The following HDAC9 variants were observed in gnomAD, a reference collection of about 807,000 sequenced individuals.
HDAC9 encodes histone deacetylase 9.
In HDAC9, 41 loss-of-function variants were observed where a neutral mutation model predicts 139.4. The ratio of observed to expected loss-of-function variants is 0.29; its 90% confidence interval spans 0.23 to 0.38. The LOEUF (loss-of-function observed/expected upper bound fraction) is 0.38. HDAC9 is among the 10% of genes least tolerant of loss of function. The pLI is 1.00. For missense variants in HDAC9, 1,147 were observed against 1,297.0 expected, an observed-to-expected ratio of 0.88 and a Z score of 1.78; for synonymous variants, 517 against 476.2, an observed-to-expected ratio of 1.09 and a Z score of -1.12.
chr7:18,397,710 C>T (rs185905561), intron 1 of HDAC9, among the ~76,000 whole-genome samples: 3 of 152,228 alleles, frequency 2.0e-5, no homozygotes, highest in East Asian at 3.9e-4. Flanking sequence ...TATGGAAATA[C>T]ATTCTCTATG....
chr7:18,170,652 G>A (rs534472673), intron 2 of HDAC9, among the ~76,000 whole-genome samples: 123 of 152,192 alleles, frequency 8.1e-4, no homozygotes, highest in African/African-American at 2.8e-3. Context: ...TCCAGTTTCA[G>A]CTTTCTACAT....
intron 17 of HDAC9, chr7:18,808,421 A>C (rs1272141315): frequency 6.6e-6 from 1 of 152,222 alleles, no homozygotes; most frequent in Non-Finnish European, 1.5e-5. Flanking sequence ...TATGTATAGA[A>C]AACCCTAAAG....
At chr7:18,663,492 A>G (rs959629255) in intron 11 of HDAC9, among the ~76,000 whole-genome samples, 3 of 151,898 alleles carry the variant, frequency 2.0e-5, no homozygotes, top group African/African-American at 7.3e-5. Flanking sequence ...CTTCCGACAT[A>G]GCATTTCCTG....
At chr7:18,331,660 A>G (rs1289330117) in intron 1 of HDAC9, among the ~76,000 whole-genome samples, 4 of 151,688 alleles carry the variant, frequency 2.6e-5, no homozygotes, top group African/African-American at 7.3e-5. Flanking sequence ...CAAAATGTCT[A>G]TTGTGTACAC....
intron 13 of HDAC9, among the ~76,000 whole-genome samples, chr7:18,742,817 G>A (rs1057162160): frequency 6.6e-6 from 1 of 151,802 alleles, no homozygotes; most frequent in Non-Finnish European, 1.5e-5. Flanking sequence ...TTTTAATTTT[G>A]CTACTCTTTA....
chr7:18,143,845 A>G (rs547188947), intron 1 of HDAC9, among the ~76,000 whole-genome samples: 3 of 152,128 alleles, frequency 2.0e-5, no homozygotes, highest in African/African-American at 7.2e-5. Context: ...TTTGGTGCAC[A>G]GTATGGCTGT....
chr7:18,956,192 A>G (rs1365564486), intron 24 of HDAC9, among the ~76,000 whole-genome samples: 1 of 152,028 alleles, frequency 6.6e-6, no homozygotes, highest in East Asian at 1.9e-4. Flanking sequence ...ACCACCCAAC[A>G]GTGATCACTT....
chr7:18,512,017 CAAAA>C (rs11337572), intron 2 of HDAC9, among the ~76,000 whole-genome samples: 6 of 96,568 alleles, frequency 6.2e-5, no homozygotes, highest in African/African-American at 2.4e-4. Context: ...ATGAATTAAG[CAAAA>C]AAAAAAAAAA....
rs1447467867 is a variant in HDAC9, at chr7:18,345,544, T to C, written c.-42+55029T>C. 2.0e-5 allele frequency among the ~76,000 whole-genome samples: 3 copies of C among 150,640 alleles called. No homozygotes were observed. In the Admixed American group the frequency reaches 2.0e-4, roughly 10 times the overall value. The stretch of plus-strand genomic sequence containing the variant: ...ACATGATTGTGTTCTCATAAGACAC[T>C]TTGTTCCCTTTATTATTCAACAGAA... On this transcript the variant is annotated intron_variant, in intron 1 of 3. Coordinates refer to the HDAC9 transcript ENST00000413509.
intron 1 of HDAC9, among the ~76,000 whole-genome samples, chr7:18,131,211 C>T (rs184704855): frequency 1.1e-3 from 173 of 152,218 alleles, no homozygotes; most frequent in South Asian, 4.1e-3. Flanking sequence ...AGAACACATA[C>T]GTACCCAAAT....
At chr7:18,110,068 C>T (rs1162390509) in intron 1 of HDAC9, among the ~76,000 whole-genome samples, 1 of 152,166 alleles carries the variant, frequency 6.6e-6, no homozygotes, top group Non-Finnish European at 1.5e-5. Context: ...AAGTTGACTT[C>T]CAAAAATACT....
chr7:18,098,812 A>C (rs1360152859), intron 1 of HDAC9, among the ~76,000 whole-genome samples: 2 of 152,242 alleles, frequency 1.3e-5, no homozygotes, highest in African/African-American at 2.4e-5. Context: ...AATGGGAGAC[A>C]AATTCAGTAG....
At chr7:18,731,100 C>T (rs10241000) in intron 13 of HDAC9, among the ~76,000 whole-genome samples, 1 of 152,158 alleles carries the variant, frequency 6.6e-6, no homozygotes, top group East Asian at 1.9e-4. Context: ...ACATGCTGCT[C>T]AGAATGATGC....
chr7:18,329,027 A>C (rs1446372815), intron 1 of HDAC9, among the ~76,000 whole-genome samples: 1 of 151,728 alleles, frequency 6.6e-6, no homozygotes, highest in African/African-American at 2.4e-5. Context: ...TTCCTGGTTC[A>C]GTCTTGGTAG....
upstream of HDAC9, among the ~76,000 whole-genome samples, chr7:18,491,559 G>T (rs560772992): frequency 6.6e-6 from 1 of 151,984 alleles, no homozygotes; most frequent in Non-Finnish European, 1.5e-5. Flanking sequence ...CACGCATATA[G>T]TTACCCAAAG....
intron 13 of HDAC9, among the ~76,000 whole-genome samples, chr7:18,732,569 A>ATG (rs1193817529): frequency 1.7e-5 from 2 of 121,164 alleles, no homozygotes; most frequent in East Asian, 6.0e-4. Context: ...ACGTGTATAT[A>ATG]TGTGCATGTG....
intron 21 of HDAC9, among the ~76,000 whole-genome samples, chr7:18,861,673 C>CTTAGGCAAGGAAA (rs1798120538): frequency 6.6e-6 from 1 of 152,142 alleles, no homozygotes; most frequent in South Asian, 2.1e-4. Flanking sequence ...TTACTGGCTA[C>CTTAGGCAAGGAAA]GTGACACATC....
chr7:18,322,325 G>T (rs1011911348), intron 1 of HDAC9, among the ~76,000 whole-genome samples: 3 of 152,156 alleles, frequency 2.0e-5, no homozygotes, highest in Non-Finnish European at 4.4e-5. Context: ...ATTTTTGGAT[G>T]TTGAGAAAGG....
At chr7:18,494,702 T>C (rs2128137447), upstream of HDAC9, among the ~76,000 whole-genome samples, 1 of 152,198 alleles carries the variant, frequency 6.6e-6, no homozygotes. Flanking sequence ...CTATTGACTA[T>C]CATAAATGCT....
Sources: allele counts gnomAD v4.1 joint callset (sites outside exome capture counted in the v4.1 genomes callset), GRCh38; gene constraint gnomAD v4.1.1; transcripts MANE v1.5; gene names NCBI Gene and HGNC (gene_info 2026-07-23, HGNC 2026-07-21).